Variants in RNF4 observed in about 807,000 individuals in gnomAD.
RNF4 encodes the protein ring finger protein 4, also known as E3 ubiquitin-protein ligase RNF4.
RNF4 carries 7 observed loss-of-function variants against 24.3 expected under a neutral mutation model. The observed-to-expected ratio is 0.29, with a 90% confidence interval of 0.16 to 0.54. RNF4 has a LOEUF of 0.54. Ranked by LOEUF, RNF4 falls within the 20% of genes least tolerant of loss-of-function variation. The probability of loss-of-function intolerance (pLI) is 0.95; values close to 1 mark genes in which losing one functional copy is unlikely to be tolerated. For missense variants in RNF4, 209 were observed against 248.5 expected (o/e 0.84, Z 1.07); for synonymous variants, 83 against 84.3 (o/e 0.98, Z 0.09).
intron 4 of RNF4, among the ~76,000 whole-genome samples, chr4:2,504,747 T>C (rs1736022476): frequency 6.9e-6 from 1 of 144,636 alleles, no homozygotes; most frequent in Non-Finnish European, 1.5e-5. Flanking sequence ...TTTTTTTTTT[T>C]GAGACAGAGT....
chr4:2,484,067 T>TCCCCCCCCCCCCCCCCCC (rs56727538), intron 1 of RNF4, among the ~76,000 whole-genome samples: 1 of 13,280 alleles, frequency 7.5e-5, no homozygotes, highest in Non-Finnish European at 1.6e-4. Context: ...CCTCAGGTGA[T>TCCCCCCCCCCCCCCCCCC]CCCCCCCCGC....
chr4:2,502,770 G>A (rs535865499), intron 4 of RNF4, among the ~76,000 whole-genome samples: 1 of 151,646 alleles, frequency 6.6e-6, no homozygotes, highest in African/African-American at 2.4e-5. Flanking sequence ...CTTGAACCCA[G>A]GAGGCGGAGG....
At chr4:2,492,407 G>A (rs577780382) in intron 2 of RNF4, among the ~76,000 whole-genome samples, 11 of 152,198 alleles carry the variant, frequency 7.2e-5, no homozygotes, top group South Asian at 2.1e-4. Flanking sequence ...TTGAGCTCTC[G>A]AGGAGATTAC....
At chr4:2,506,509 ATCT>A (rs1337690051) in intron 4 of RNF4, among the ~76,000 whole-genome samples, 1 of 150,834 alleles carries the variant, frequency 6.6e-6, no homozygotes, top group Admixed American at 6.6e-5. Context: ...ACAGCAAATA[ATCT>A]TTTTTTTTTT....
intron 1 of RNF4, among the ~76,000 whole-genome samples, chr4:2,483,298 C>A (rs1243498464): frequency 6.6e-6 from 1 of 152,140 alleles, no homozygotes; most frequent in African/African-American, 2.4e-5. Flanking sequence ...ACTGGTTCCA[C>A]AGAGGTGAGG....
intron 2 of RNF4, among the ~76,000 whole-genome samples, chr4:2,490,982 G>C (rs1319155431): frequency 1.3e-5 from 2 of 152,132 alleles, no homozygotes; most frequent in Non-Finnish European, 2.9e-5. Context: ...CAGCTACTTG[G>C]GAGGCTGAGG....
rs748365496 is a variant in RNF4, at chr4:2,515,661, A to T, written c.*1842A>T. 3.9e-5 allele frequency: 6 copies of T among 152,650 alleles called. No individual in the cohort carries two copies. In the East Asian group the frequency reaches 9.6e-4, roughly 24 times the overall value. 9.5% of individuals were successfully genotyped at this position (152,650 alleles called of 1,614,324 possible). A position where few individuals can be genotyped will look rare whatever the true frequency, so the allele number is the denominator to read the frequency against. On this transcript the variant is annotated 3_prime_UTR_variant, in exon 8 of 8. Transcript: ENST00000314289. ...CTAAATTAAATTGATAGAAAGATTT[A>T]AAAATGTGTTTTGTTTCTACTATTC... is the stretch of plus-strand genomic sequence containing the variant.
intron 1 of RNF4, among the ~76,000 whole-genome samples, chr4:2,477,524 A>T (rs1326462180): frequency 6.6e-6 from 1 of 152,122 alleles, no homozygotes; most frequent in Non-Finnish European, 1.5e-5. Context: ...GGTGGAGATT[A>T]CAGTGAGCCG....
intron 6 of RNF4, 31 bp from the exon 7 acceptor site, chr4:2,513,052 G>C: frequency 6.2e-7 from 1 of 1,610,778 alleles, no homozygotes; most frequent in South Asian, 1.1e-5. Context: ...TGCGTTGACT[G>C]AGAAACTAAC....
chr4:2,474,963 G>A (rs1048858611), intron 1 of RNF4, among the ~76,000 whole-genome samples: 1 of 152,134 alleles, frequency 6.6e-6, no homozygotes, highest in Non-Finnish European at 1.5e-5. Flanking sequence ...GGAGGCAGAG[G>A]TTGCGGTGAG....
chr4:2,492,602 A>C (rs1277638189), intron 2 of RNF4, among the ~76,000 whole-genome samples: 1 of 152,202 alleles, frequency 6.6e-6, no homozygotes, highest in African/African-American at 2.4e-5. Flanking sequence ...GTATGGGAAG[A>C]TGGATGGTGG....
chr4:2,482,661 G>A (rs944903182), intron 1 of RNF4, among the ~76,000 whole-genome samples: 4 of 152,162 alleles, frequency 2.6e-5, no homozygotes, highest in African/African-American at 9.7e-5. Context: ...CAGCTTAATC[G>A]GGGCCATAAG....
At chr4:2,511,177 C>G (rs926273915) in intron 4 of RNF4, among the ~76,000 whole-genome samples, 1 of 152,224 alleles carries the variant, frequency 6.6e-6, no homozygotes, top group African/African-American at 2.4e-5. Flanking sequence ...TCTGGTGACT[C>G]TGCTTCAGAA....
intron 7 of RNF4, 104 bp downstream of exon 7, chr4:2,513,235 C>A: frequency 9.4e-7 from 1 of 1,069,098 alleles, no homozygotes; most frequent in Non-Finnish European, 1.4e-6. Flanking sequence ...GACACCCCTA[C>A]TCACAGTCAT....
chr4:2,509,489 A>T (rs906594226), intron 4 of RNF4, among the ~76,000 whole-genome samples: 1 of 152,130 alleles, frequency 6.6e-6, no homozygotes, highest in African/African-American at 2.4e-5. Context: ...AAGTGCTGAG[A>T]TTCCAGGTGT....
Position 2,513,650 on chromosome 4 carries a change from T to C in RNF4, c.424-20T>C, listed in dbSNP as rs1339131472. The C allele has an allele frequency of 6.2e-7, 1 of 1,612,414 alleles. No individual in the cohort carries two copies. Among genetic ancestry groups the C allele is most frequent in the Non-Finnish European group, 8.5e-7 (1 of 1,179,578 alleles). On this transcript the variant is annotated intron_variant, in intron 7 of 7. Transcript: ENST00000314289. ...GGGACAAGGGCAAACTCGGAGGCTC[T>C]TCTTTTTAATGCCTTCTAGATCGTG...
intron 1 of RNF4, among the ~76,000 whole-genome samples, chr4:2,479,146 T>G (rs1449731298): frequency 6.6e-6 from 1 of 152,248 alleles, no homozygotes; most frequent in Non-Finnish European, 1.5e-5. Context: ...CCCCTTTGTT[T>G]TGGCCAATTT....
At position 2,494,194 on chromosome 4, in the gene RNF4, A is replaced by T. The variant is rs114087743; in HGVS notation, c.10-2813A>T. On this transcript the variant is annotated intron_variant, in intron 2 of 7. Coordinates refer to ENST00000314289, the MANE Select transcript of RNF4 (RefSeq NM_002938.5). ...ATTCAATTTTTTTTAGCAAGGCCAT[A>T]TTTATACTTTCTGCAGAAAGGGTAC... 8.6e-3 allele frequency among the ~76,000 whole-genome samples: 1,306 copies of T among 152,124 alleles called. 20 individuals carry two copies. Among genetic ancestry groups the T allele is most frequent in the African/African-American group, 0.029 (1,200 of 41,480 alleles).
intron 3 of RNF4, among the ~76,000 whole-genome samples, chr4:2,498,557 T>C (rs1735806959): frequency 6.6e-6 from 1 of 152,210 alleles, no homozygotes. Context: ...AATTGTTGTA[T>C]ATCAGTATAT....
Sources: gnomAD v4.1 joint callset for allele counts (sites outside exome capture counted in the v4.1 genomes callset) on GRCh38, gnomAD v4.1.1 for gene constraint, MANE v1.5 for transcripts, NCBI Gene and HGNC (gene_info 2026-07-23, HGNC 2026-07-21) for gene names.